UPF3A: variants seen among roughly 807,000 people sequenced by gnomAD.
UPF3A encodes regulator of nonsense transcripts 3A.
Under a neutral mutation model 53.5 loss-of-function variants are expected in UPF3A, and 42 were observed. The ratio of observed to expected loss-of-function variants is 0.78; its 90% CI spans 0.61 to 1.01. UPF3A has a LOEUF of 1.01. UPF3A is among the 50% of genes least tolerant of loss of function. UPF3A has a pLI of 0.00. For missense variants in UPF3A, 575 were observed against 598.0 expected, an observed-to-expected ratio of 0.96 and a Z score of 0.40; for synonymous variants, 237 against 225.3, an observed-to-expected ratio of 1.05 and a Z score of -0.47.
rs765037200 is a variant in UPF3A, at chr13:114,301,764, T to C, written c.1041T>C (p.Asp347=). The change falls in exon 9 of 10, where the codon GAT becomes GAC. Residue 347 remains aspartate (D), a synonymous_variant. Coordinates refer to ENST00000375299, the MANE Select transcript of UPF3A (RefSeq NM_023011.4). ...GCGGCAGTGATAAAGAGCACAGGGA[T>C]GTGGAGAGATCTCAAGAACAAGAAT... ...SHSGSDKEHR[D]VERSQEQESE... The C allele has an allele frequency of 2.5e-6, 4 of 1,613,900 alleles. No homozygotes were observed. In the East Asian group the frequency reaches 8.9e-5, roughly 36 times the overall value.
chr13:114,303,754 C>A (rs2086799550), intron 9 of UPF3A, among the ~76,000 whole-genome samples: 1 of 152,124 alleles, frequency 6.6e-6, no homozygotes, highest in South Asian at 2.1e-4. Flanking sequence ...CCATTGCACT[C>A]CAGCCTAGGC....
Position 114,291,146 on chromosome 13 carries a change from T to G in UPF3A, c.632-343T>G, listed in dbSNP as rs373303245. Among the ~76,000 whole-genome samples the G allele has an allele frequency of 5.7e-4, 87 of 152,346 alleles. No individual in the cohort carries two copies. The East Asian group carries it at 9.4e-3, about 17-fold the overall frequency. On this transcript the variant is annotated intron_variant, in intron 5 of 9. Transcript: ENST00000375299. ...AGAATCCATGTTATTTTAAAACTGT[T>G]GCTTGGAGAACGGAAAACGAAAAAG...
chr13:114,290,848 C>T (rs2085206879), intron 5 of UPF3A, among the ~76,000 whole-genome samples: 3 of 151,706 alleles, frequency 2.0e-5, no homozygotes, highest in Admixed American at 6.6e-5. Flanking sequence ...GTTTTCCTGC[C>T]TCAGCCTCCC....
rs2086961081 is a variant in UPF3A, at chr13:114,305,807, A to T, written c.*890A>T. ...TTATTAAATAAAAATTTTGTTAAAG[A>T]AGTACTGAAATATTCTTTGAATCTG... On this transcript the variant is annotated 3_prime_UTR_variant, in exon 10 of 10. Transcript: ENST00000375299. The T allele has an allele frequency of 6.6e-6, 1 of 152,144 alleles. No homozygotes were observed. The highest frequency in any genetic ancestry group is 2.4e-5 in the African/African-American group (1 of 41,436). 9.4% of individuals were successfully genotyped at this position (152,144 alleles called of 1,614,324 possible). A position where few individuals can be genotyped will look rare whatever the true frequency, so the allele number is the denominator to read the frequency against.
At chr13:114,290,298 G>A (rs772408069) in intron 5 of UPF3A, among the ~76,000 whole-genome samples, 17 of 152,178 alleles carry the variant, frequency 1.1e-4, no homozygotes, top group Non-Finnish European at 2.2e-4. Flanking sequence ...TATGATGTCA[G>A]GGTGTCAGGG....
At chr13:114,303,287 C>T (rs897016826) in intron 9 of UPF3A, among the ~76,000 whole-genome samples, 1 of 152,116 alleles carries the variant, frequency 6.6e-6, no homozygotes, top group African/African-American at 2.4e-5. Flanking sequence ...CTTCAGTTGG[C>T]TTATTTTAGC....
At chr13:114,304,213 G>T (rs2086841794) in intron 9 of UPF3A, among the ~76,000 whole-genome samples, 1 of 152,258 alleles carries the variant, frequency 6.6e-6, no homozygotes, top group Admixed American at 6.5e-5. Flanking sequence ...TTGTGCTGCT[G>T]TCGCTGCTGA....
intron 2 of UPF3A, chr13:114,282,499 G>A (rs2084201953): frequency 1.0e-6 from 1 of 985,310 alleles, no homozygotes; most frequent in African/African-American, 1.7e-5. Context: ...TGGTGCCGCA[G>A]CCAGTGCGGT....
intron 7 of UPF3A, among the ~76,000 whole-genome samples, chr13:114,292,467 GTTCA>G (rs1468288838): frequency 6.9e-6 from 1 of 145,984 alleles, no homozygotes; most frequent in Non-Finnish European, 1.5e-5. Flanking sequence ...TGTGTTACGT[GTTCA>G]TTTTCGGCTC....
intron 5 of UPF3A, among the ~76,000 whole-genome samples, chr13:114,289,065 G>T (rs895424673): frequency 4.6e-5 from 7 of 152,016 alleles, no homozygotes; most frequent in Non-Finnish European, 2.9e-5. Flanking sequence ...GCATGTCCTG[G>T]CACCTCCCCG....
chr13:114,299,109 C>G, intron 8 of UPF3A, 109 bp downstream of exon 8: 3 of 1,200,294 alleles, frequency 2.5e-6, no homozygotes, highest in Non-Finnish European at 3.3e-6. Context: ...CCAAGACTTT[C>G]CAGGGTGTGC....
At chr13:114,302,136 G>A in intron 9 of UPF3A, 111 bp downstream of exon 9, 1 of 1,126,198 alleles carries the variant, frequency 8.9e-7, no homozygotes, top group Non-Finnish European at 1.2e-6. Context: ...GCAGTGCTTT[G>A]AGCATTTTCA....
intron 8 of UPF3A, among the ~76,000 whole-genome samples, chr13:114,300,345 A>G (rs2086478899): frequency 6.6e-6 from 1 of 152,068 alleles, no homozygotes; most frequent in African/African-American, 2.4e-5. Context: ...AAGAAGGTTT[A>G]TTTTATTTTG....
intron 9 of UPF3A, among the ~76,000 whole-genome samples, chr13:114,302,866 C>A (rs868477325): frequency 5.9e-5 from 9 of 152,176 alleles, no homozygotes; most frequent in Non-Finnish European, 1.2e-4. Flanking sequence ...CTTTGGGAGG[C>A]TGAGGCGGGT....
At chr13:114,303,902 AAATT>A (rs1245683121) in intron 9 of UPF3A, among the ~76,000 whole-genome samples, 1 of 152,234 alleles carries the variant, frequency 6.6e-6, no homozygotes, top group Non-Finnish European at 1.5e-5. Context: ...AAGGAAAAGA[AAATT>A]AAGTTAAACC....
chr13:114,287,615 A>T (rs898385149), intron 5 of UPF3A: 1 of 152,158 alleles, frequency 6.6e-6, no homozygotes, highest in Non-Finnish European at 1.5e-5. Context: ...TTGATGTGAC[A>T]TGACAGCCAC....
rs561791108 is a variant in UPF3A, at chr13:114,290,232, C to T, written c.632-1257C>T. On this transcript the variant is annotated intron_variant, in intron 5 of 9. Transcript: ENST00000375299. ...GGGCTCCTGGGACAATCGGCTCTTC[C>T]CTACAACCACAGACTGTCCCTGGGG... Among the ~76,000 whole-genome samples, 27 of 152,294 alleles carry T rather than the reference C, an allele frequency of 1.8e-4. No homozygotes were observed. In the South Asian group the frequency reaches 5.4e-3, roughly 30 times the overall value.
intron 7 of UPF3A, among the ~76,000 whole-genome samples, chr13:114,292,749 C>T (rs2085435592): frequency 6.6e-6 from 1 of 152,082 alleles, no homozygotes; most frequent in Admixed American, 6.6e-5. Flanking sequence ...CAGCACAGTA[C>T]CTGATGTTTT....
chr13:114,283,088 A>T (rs771998182), intron 3 of UPF3A, 145 bp downstream of exon 3: 2 of 614,352 alleles, frequency 3.3e-6, no homozygotes, highest in African/African-American at 1.9e-5. Context: ...AGCAGCCGCA[A>T]TCACGGCTCA....
Sources: gnomAD v4.1 joint callset for allele counts (sites outside exome capture counted in the v4.1 genomes callset) on GRCh38, gnomAD v4.1.1 for gene constraint, MANE v1.5 for transcripts, NCBI Gene and HGNC (gene_info 2026-07-23, HGNC 2026-07-21) for gene names.